Variants in CAPN15 observed in about 807,000 individuals in gnomAD.
The protein encoded by CAPN15 is calpain-15.
A neutral mutation model predicts 97.9 loss-of-function variants in CAPN15; 53 were observed. The ratio of observed to expected loss-of-function variants is 0.54; its 90% CI spans 0.43 to 0.68. The LOEUF (loss-of-function observed/expected upper bound fraction) is 0.68. Among genes scored for constraint, CAPN15 ranks in the 30% least tolerant of loss-of-function variants. CAPN15 has a pLI of 0.00. For synonymous variants in CAPN15, 922 were observed against 722.5 expected (o/e 1.28, Z -4.43); for missense variants, 1,592 against 1,589.8 (o/e 1.00, Z -0.02).
At chr16:551,821 C>G (rs1468772700) in intron 9 of CAPN15, 157 bp downstream of exon 9, 2 of 1,083,704 alleles carry the variant, frequency 1.8e-6, no homozygotes, top group South Asian at 2.7e-5. Flanking sequence ...GTGCCAACCT[C>G]AGAATTCAGG....
intron 1 of CAPN15, among the ~76,000 whole-genome samples, chr16:532,332 TC>T (rs1431771388): frequency 6.7e-6 from 1 of 149,770 alleles, no homozygotes; most frequent in Non-Finnish European, 1.5e-5. Flanking sequence ...GGTGGGTGAA[TC>T]ACATGAGGTC....
chr16:546,877 C>T lies in CAPN15; in HGVS notation c.39C>T (p.Thr13=), dbSNP rs776705539. Residue 13 remains threonine (T), a synonymous_variant, in exon 4 of 14, where the codon ACC becomes ACT. Transcript: ENST00000219611. The stretch of plus-strand genomic sequence containing the variant: ...GAGAGTGGTCCTGTGTGCGCTGCAC[C>T]TTCCTGAACCCGGCCGGCCAGCGCC... ...TVGEWSCVRC[T]FLNPAGQRQC... 3.1e-6 allele frequency: 5 copies of T among 1,611,408 alleles called. No homozygotes were observed. In the Admixed American group the frequency reaches 8.3e-5, roughly 27 times the overall value.
At chr16:546,121 C>G (rs915663874) in intron 3 of CAPN15, among the ~76,000 whole-genome samples, 1 of 152,244 alleles carries the variant, frequency 6.6e-6, no homozygotes, top group Admixed American at 6.5e-5. Context: ...TCAGAGCCCT[C>G]GCCACGCGGG....
At chr16:534,960 A>G (rs2033594905) in intron 2 of CAPN15, among the ~76,000 whole-genome samples, 1 of 151,544 alleles carries the variant, frequency 6.6e-6, no homozygotes, top group Non-Finnish European at 1.5e-5. Flanking sequence ...CCTGCGGGGC[A>G]GGGGAGGGCT....
Position 553,012 on chromosome 16 carries a change from T to C in CAPN15, c.3054T>C (p.Arg1018=). The change falls in exon 13 of 14, where the codon CGT becomes CGC. Residue 1018 remains arginine, a synonymous_variant. Coordinates refer to ENST00000219611, the MANE Select transcript of CAPN15 (RefSeq NM_005632.3). The part of the protein sequence containing the change: ...FNVVSTRGSL[R]TQDSVPPLHR... The stretch of plus-strand genomic sequence containing the variant: ...TGGTGTCCACACGCGGCAGCCTGCG[T>C]ACCCAGGATAGCGTGCCACCCCTGC... 6.2e-7 allele frequency: 1 copy of C among 1,603,638 alleles called. No individual in the cohort carries two copies. The highest frequency in any genetic ancestry group is 8.5e-7 in the Non-Finnish European group (1 of 1,175,616).
At chr16:530,936 C>T (rs1055991291) in intron 1 of CAPN15, among the ~76,000 whole-genome samples, 1 of 152,266 alleles carries the variant, frequency 6.6e-6, no homozygotes, top group Admixed American at 6.5e-5. Flanking sequence ...TCATGGGCAT[C>T]AGCCTCGCCA....
chr16:552,801 T>TGGGGGCGG lies in CAPN15; in HGVS notation c.2904+34_2904+35insGCGGGGGG. 6.6e-7 allele frequency: 1 copy of TGGGGGCGG among 1,504,482 alleles called. No individual in the cohort carries two copies. Among genetic ancestry groups the TGGGGGCGG allele is most frequent in the Non-Finnish European group, 8.9e-7 (1 of 1,119,126 alleles). 93.2% of individuals were successfully genotyped at this position (1,504,482 alleles called of 1,614,324 possible). ...GTGGGGGTCCCGGGGGAGGGTGGCG[T>TGGGGGCGG]GGGGCAGGGGGAGTATGCCCCAGCA... is the stretch of plus-strand genomic sequence containing the variant. On this transcript the variant is annotated intron_variant, in intron 12 of 13. Transcript: ENST00000219611. The surrounding 1 kb of genome is among the most constrained non-coding windows in gnomAD (Gnocchi z 6.4).
chr16:551,914 G>A (rs12449064), intron 9 of CAPN15, 137 bp from the exon 10 acceptor site: 467,224 of 1,084,352 alleles, frequency 0.43, 105,124 homozygotes, highest in South Asian at 0.62. Context: ...ATGGGCCCCC[G>A]GGGGCCGGGC....
chr16:540,734 G>A (rs765563646), intron 3 of CAPN15, among the ~76,000 whole-genome samples: 13 of 152,200 alleles, frequency 8.5e-5, no homozygotes, highest in Non-Finnish European at 1.3e-4. Flanking sequence ...GCCAGCACTC[G>A]CTGGGCTCCG....
At chr16:536,316 G>A (rs965530702) in intron 3 of CAPN15, among the ~76,000 whole-genome samples, 174 bp downstream of exon 3, 10 of 152,190 alleles carry the variant, frequency 6.6e-5, no homozygotes, top group African/African-American at 2.4e-4. Context: ...TGCTGGTGCT[G>A]CCCTCCCTCC....
chr16:549,124 G>C lies in CAPN15; in HGVS notation c.1581G>C (p.Arg527Ser). Residue 527 changes from arginine (R) to serine (S), a missense_variant, in exon 5 of 14, where the codon AGG (arginine) becomes AGC (serine). Transcript: ENST00000219611. Reference sequence around the variant, plus strand: ...AGGAGATCAACTGCTCCGTCTTCAGGGACCACAGGGCCACGTGGTCTGTGT... The same window carrying C: ...AGGAGATCAACTGCTCCGTCTTCAGCGACCACAGGGCCACGTGGTCTGTGT... Reference protein sequence around the residue: ...RPQEINCSVFRDHRATWSVFH... With the variant: ...RPQEINCSVFSDHRATWSVFH... 9 of 1,612,024 alleles carry C rather than the reference G, an allele frequency of 5.6e-6. No homozygotes were observed. The highest frequency in any genetic ancestry group is 7.6e-6 in the Non-Finnish European group (9 of 1,179,878).
At position 549,868 on chromosome 16, in the gene CAPN15, G is replaced by A. The variant is rs369319760; in HGVS notation, c.2066+30G>A. ...GAGGAGGGGCACTGCGTGGTCAGCCGCGTTGGGAGGAGAGGCGAGGCGGAG... is the reference window on the plus strand; with the variant it reads ...GAGGAGGGGCACTGCGTGGTCAGCCACGTTGGGAGGAGAGGCGAGGCGGAG... On this transcript the variant is annotated intron_variant, in intron 7 of 13. Coordinates refer to ENST00000219611, the MANE Select transcript of CAPN15 (RefSeq NM_005632.3). The A allele has an allele frequency of 2.7e-4, 402 of 1,505,662 alleles. 3 individuals are homozygous for A. The African/African-American group carries it at 3.7e-3, about 14-fold the overall frequency. The allele number at this position is 1,505,662 out of a possible 1,614,324, so 93.3% of individuals were successfully genotyped here. A position where few individuals can be genotyped will look rare whatever the true frequency, so the allele number is the denominator to read the frequency against.
chr16:549,395 A>G lies in CAPN15; in HGVS notation c.1766A>G (p.Lys589Arg), dbSNP rs553610117. Residue 589 changes from lysine (K) to arginine (R), a missense_variant, in exon 6 of 14, where the codon AAG becomes AGG. Transcript: ENST00000219611. Reference sequence around the variant, plus strand: ...GGCGCCTACCAGGTGCGGCTGTGCAAGGACGGCACGTGGACCACGGTGCTG... The same window carrying G: ...GGCGCCTACCAGGTGCGGCTGTGCAGGGACGGCACGTGGACCACGGTGCTG... ...AEGAYQVRLC[K>R]DGTWTTVLVD... is the part of the protein sequence containing the mutation. The G allele has an allele frequency of 1.9e-6, 3 of 1,599,470 alleles. No homozygotes were observed. The highest frequency in any genetic ancestry group is 1.3e-5 in the African/African-American group (1 of 74,998).
At position 547,851 on chromosome 16, in the gene CAPN15, G is replaced by T. The variant is rs1157028205; in HGVS notation, c.1013G>T (p.Ser338Ile). The T allele has an allele frequency of 1.9e-6, 3 of 1,611,354 alleles. No homozygotes were observed. The highest frequency in any genetic ancestry group is 4.5e-5 in the East Asian group (2 of 44,814). The stretch of plus-strand genomic sequence containing the variant: ...CGTTACACGCCCGCCAGCCCCTCCA[G>T]CCCCGACTTCACCACCTGGTCATGT... ...TVRYTPASPS[S>I]PDFTTWSCAK... Residue 338 changes from serine (S) to isoleucine (I), a missense_variant, in exon 4 of 14, where the codon AGC (serine) becomes ATC (isoleucine). Physicochemically the swap from Ser to Ile is moderately radical, Grantham distance 142. This residue lies in a region of CAPN15 where 883 missense variants were observed against 776.6 expected (regional missense o/e 1.14). Coordinates refer to ENST00000219611, the MANE Select transcript of CAPN15 (RefSeq NM_005632.3).
chr16:551,222 CCGGT>C, intron 7 of CAPN15, 76 bp from the exon 8 acceptor site: 1 of 1,381,032 alleles, frequency 7.2e-7, no homozygotes, highest in African/African-American at 2.2e-5. Context: ...GGTGAGGGTC[CCGGT>C]CAGTGAGGGT....
rs2033631172 is a variant in CAPN15 at position 535,389 on chromosome 16, C to G, written c.-136-640C>G. 1 of 154,354 alleles carries G rather than the reference C, an allele frequency of 6.5e-6. No homozygotes were observed. Among genetic ancestry groups the G allele is most frequent in the African/African-American group, 2.4e-5 (1 of 41,624 alleles). The allele number at this position is 154,354 out of a possible 1,614,324, so 9.6% of individuals were successfully genotyped here. On this transcript the variant is annotated intron_variant, in intron 2 of 13. Transcript: ENST00000219611. This position sits in a 1 kb window ranked among gnomAD's most constrained non-coding sequence, Gnocchi z 6.2. Reference sequence around the variant, plus strand: ...TCATCCTGGCCCTTCTCGTGCACGTCCCCTGGCTGGATGCTCCTTGCTGCC... The same window carrying G: ...TCATCCTGGCCCTTCTCGTGCACGTGCCCTGGCTGGATGCTCCTTGCTGCC...
At chr16:545,919 C>T (rs982990731) in intron 3 of CAPN15, among the ~76,000 whole-genome samples, 7 of 152,376 alleles carry the variant, frequency 4.6e-5, no homozygotes, top group African/African-American at 1.7e-4. Flanking sequence ...GCCCGCCGGC[C>T]ACAGCTGCAT....
chr16:554,544 C>T lies in CAPN15; in HGVS notation c.*1028C>T, dbSNP rs1383131902. The T allele has an allele frequency of 6.6e-6, 3 of 456,116 alleles. No homozygotes were observed. In the East Asian group the frequency reaches 2.1e-4, roughly 32 times the overall value. The allele number at this position is 456,116 out of a possible 1,614,324, so 28.3% of individuals were successfully genotyped here. ...TCTTGTGACACAGAGACTATTTTAT[C>T]AATTGTCAGTCCCGTTCCTTTACCA... On this transcript the variant is annotated 3_prime_UTR_variant, in exon 14 of 14. Coordinates refer to ENST00000219611, the MANE Select transcript of CAPN15 (RefSeq NM_005632.3).
intron 3 of CAPN15, among the ~76,000 whole-genome samples, chr16:536,618 G>T (rs1450810080): frequency 6.6e-6 from 1 of 152,140 alleles, no homozygotes; most frequent in African/African-American, 2.4e-5. Context: ...TAGAAACAGG[G>T]TTTCTCCATC....
Sources: gnomAD v4.1 joint callset for allele counts (sites outside exome capture counted in the v4.1 genomes callset) on GRCh38, gnomAD v4.1.1 for gene constraint, gnomAD v4.1.1 regional missense constraint, Gnocchi (gnomAD v3.1) non-coding constraint, MANE v1.5 for transcripts, NCBI Gene and HGNC (gene_info 2026-07-23, HGNC 2026-07-21) for gene names.